The following GSTM2 variants were observed in gnomAD, a reference collection of about 807,000 sequenced individuals.
GSTM2 encodes glutathione S-transferase mu 2.
In GSTM2, 33 loss-of-function variants were observed where a neutral mutation model predicts 33.3. The observed-to-expected ratio is 0.99, with a 90% CI of 0.75 to 1.33. The LOEUF is 1.33. GSTM2 is among the 40% of genes most tolerant of loss of function. The probability of loss-of-function intolerance (pLI) is 0.00; values close to 1 mark genes in which losing one functional copy is unlikely to be tolerated. For synonymous variants in GSTM2, 93 were observed against 95.6 expected (o/e 0.97, Z 0.16); for missense variants, 213 against 265.8 (o/e 0.80, Z 1.38).
chr1:109,668,391 A>T (rs755715389), intron 1 of GSTM2, 34 bp from the exon 2 acceptor site: 1 of 1,608,814 alleles, frequency 6.2e-7, no homozygotes, highest in Admixed American at 1.7e-5. Flanking sequence ...GGGACCCTCC[A>T]TCTCTGACCC....
intron 7 of GSTM2, chr1:109,673,065 T>G: frequency 1.1e-6 from 1 of 935,270 alleles, no homozygotes; most frequent in South Asian, 1.4e-5. Flanking sequence ...AGATGGGGTT[T>G]TGCTATGTTG....
chr1:109,677,676 T>C (rs1252598867), downstream of GSTM2, among the ~76,000 whole-genome samples: 2 of 152,178 alleles, frequency 1.3e-5, no homozygotes, highest in Non-Finnish European at 2.9e-5. Context: ...TGAAGGGGCC[T>C]GGTGGAGTGC....
downstream of GSTM2, among the ~76,000 whole-genome samples, chr1:109,677,860 C>T (rs1242725393): frequency 6.6e-6 from 1 of 152,186 alleles, no homozygotes; most frequent in East Asian, 1.9e-4. Flanking sequence ...AAAGCATGCA[C>T]ATTATTTGTG....
chr1:109,669,440 G>T (rs1451197448), intron 4 of GSTM2, 31 bp from the exon 5 acceptor site: 14 of 1,613,500 alleles, frequency 8.7e-6, no homozygotes, highest in Non-Finnish European at 1.2e-5. Context: ...TGGGCTGTGA[G>T]GCTGAGAGTG....
chr1:109,674,490 T>C (rs1177923835), intron 7 of GSTM2, among the ~76,000 whole-genome samples: 1 of 152,216 alleles, frequency 6.6e-6, no homozygotes, highest in East Asian at 1.9e-4. Context: ...GTAATTTCTC[T>C]TGGGTACAGA....
rs1647541126 is a variant in GSTM2, at chr1:109,671,462, G to A, written c.457-11G>A. 3 of 1,595,048 alleles carry A rather than the reference G, an allele frequency of 1.9e-6. No homozygotes were observed. The highest frequency in any genetic ancestry group is 2.6e-6 in the Non-Finnish European group (3 of 1,162,618). The stretch of plus-strand genomic sequence containing the variant: ...GGAGGTTTCAGCCCACATATCCTTG[G>A]CCTTATCCAGATCACCTTTGTGGAT... On this transcript the variant is annotated splice_polypyrimidine_tract_variant and intron_variant, in intron 6 of 7. Coordinates refer to ENST00000241337, the MANE Select transcript of GSTM2 (RefSeq NM_000848.4).
At position 109,674,767 on chromosome 1, in the gene GSTM2, C is replaced by T; in HGVS notation, c.588C>T (p.Ala196=). ...SRFEGLEKIS[A]YMKSSRFLPR... Reference sequence around the variant, plus strand: ...CTCAGGGCTTGGAGAAGATCTCTGCCTACATGAAGTCCAGCCGCTTCCTCC... The same window carrying T: ...CTCAGGGCTTGGAGAAGATCTCTGCTTACATGAAGTCCAGCCGCTTCCTCC... The change falls in exon 8 of 8, where the codon GCC becomes GCT. Residue 196 remains alanine (A), a synonymous_variant. Coordinates refer to ENST00000241337, the MANE Select transcript of GSTM2 (RefSeq NM_000848.4). 1.2e-6 allele frequency: 2 copies of T among 1,614,226 alleles called. No homozygotes were observed. Among genetic ancestry groups the T allele is most frequent in the Non-Finnish European group, 1.7e-6 (2 of 1,180,046 alleles).
In GSTM2 at chr1:109,671,354, G is replaced by A. The variant is rs143184866; in HGVS notation, c.428G>A (p.Gly143Glu). ...CTGAAGCTCTACTCACAGTTTCTGG[G>A]GAAGCAGCCATGGTTTCTTGGGGAC... The part of the protein sequence containing the change: ...EMLKLYSQFL[G>E]KQPWFLGDKI... Residue 143 changes from glycine to glutamate, a missense_variant, in exon 6 of 8, where the codon GGG (glycine) becomes GAG (glutamate). Transcript: ENST00000241337. 3.7e-6 allele frequency: 6 copies of A among 1,613,892 alleles called. No individual in the cohort carries two copies. The African/African-American group carries it at 8.0e-5, about 22-fold the overall frequency.
chr1:109,672,214 AG>A (rs1647566264), intron 7 of GSTM2, among the ~76,000 whole-genome samples: 1 of 152,050 alleles, frequency 6.6e-6, no homozygotes, highest in African/African-American at 2.4e-5. Flanking sequence ...TGGGAGGCGG[AG>A]GTTGCGGTGA....
rs781615105 is a variant in GSTM2, at chr1:109,668,515, G to C, written c.112+15G>C. ...GATGGGGGACGGTAATGGCACCCTC[G>C]AGTCTGGGCCCTGCCCCCTCACACT... On this transcript the variant is annotated intron_variant, in intron 2 of 7. Transcript: ENST00000241337. 1.2e-6 allele frequency: 2 copies of C among 1,613,432 alleles called. No individual in the cohort carries two copies. The highest frequency in any genetic ancestry group is 2.2e-5 in the South Asian group (2 of 91,068).
intron 2 of GSTM2, 79 bp from the exon 3 acceptor site, chr1:109,668,846 C>A: frequency 6.4e-7 from 1 of 1,557,276 alleles, no homozygotes; most frequent in Non-Finnish European, 8.8e-7. Flanking sequence ...GGTCTTGCCA[C>A]TGGCTCCTTG....
At position 109,668,062 on chromosome 1, in the gene GSTM2, C is replaced by T. The variant is rs1647395605; in HGVS notation, c.-54C>T. 1.9e-6 allele frequency: 3 copies of T among 1,595,650 alleles called. No individual in the cohort carries two copies. Among genetic ancestry groups the T allele is most frequent in the Non-Finnish European group, 1.7e-6 (2 of 1,163,182 alleles). The stretch of plus-strand genomic sequence containing the variant: ...CTACCCTCTCTGGGCCTCTCACAAA[C>T]GCTGAGCCCCGCCCCGCTGAGGCCT... On this transcript the variant is annotated 5_prime_UTR_variant, in exon 1 of 8. The change creates a new upstream start codon in the 5' untranslated region. Coordinates refer to ENST00000241337, the MANE Select transcript of GSTM2 (RefSeq NM_000848.4).
At chr1:109,672,430 A>T (rs1647579098) in intron 7 of GSTM2, among the ~76,000 whole-genome samples, 1 of 152,210 alleles carries the variant, frequency 6.6e-6, no homozygotes, top group South Asian at 2.1e-4. Flanking sequence ...CATTTTAGAG[A>T]CAAAGAAACT....
In GSTM2 at chr1:109,674,477, G is replaced by A. The variant is rs544517575; in HGVS notation, c.568-270G>A. On this transcript the variant is annotated intron_variant, in intron 7 of 7. Transcript: ENST00000241337. ...AGTCGAGTGGGTTTTCTAAGCTTAC[G>A]TTGTAATTTCTCTTGGGTACAGAGC... is the stretch of plus-strand genomic sequence containing the variant. 5.3e-5 allele frequency among the ~76,000 whole-genome samples: 8 copies of A among 152,296 alleles called. No homozygotes were observed. In the South Asian group the frequency reaches 1.2e-3, roughly 24 times the overall value.
At chr1:109,670,166 A>ATTTTACAGAGTGCTGATTGGTCCG (rs1278327816) in intron 5 of GSTM2, 2 of 56,960 alleles carry the variant, frequency 3.5e-5, no homozygotes, top group South Asian at 5.4e-4. Flanking sequence ...TGATTGGTCC[A>ATTTTACAGAGTGCTGATTGGTCCG]TTTTACAGAG....
intron 1 of GSTM2, 97 bp downstream of exon 1, chr1:109,668,248 G>A: frequency 7.1e-7 from 1 of 1,414,686 alleles, no homozygotes; most frequent in Non-Finnish European, 9.9e-7. Context: ...TTCCTCTTCA[G>A]GGCTGTCCCT....
Position 109,668,060 on chromosome 1 carries a change from A to G in GSTM2, c.-56A>G. ...CTCTACCCTCTCTGGGCCTCTCACA[A>G]ACGCTGAGCCCCGCCCCGCTGAGGC... On this transcript the variant is annotated 5_prime_UTR_variant, in exon 1 of 8. Transcript: ENST00000241337. The G allele has an allele frequency of 2.5e-6, 4 of 1,595,794 alleles. No individual in the cohort carries two copies. Among genetic ancestry groups the G allele is most frequent in the Non-Finnish European group, 2.6e-6 (3 of 1,163,354 alleles).
chr1:109,671,721 G>A (rs929335341), intron 7 of GSTM2, 138 bp downstream of exon 7: 28 of 698,032 alleles, frequency 4.0e-5, no homozygotes, highest in Middle Eastern at 3.7e-4. Flanking sequence ...TAATCTCAGC[G>A]CTTTGGAGGC....
At chr1:109,679,393 C>T (rs908412039), downstream of GSTM2, among the ~76,000 whole-genome samples, 1 of 152,186 alleles carries the variant, frequency 6.6e-6, no homozygotes, top group African/African-American at 2.4e-5. Context: ...ATCACTTCAA[C>T]CTGGGAGGCA....
Sources: allele counts gnomAD v4.1 joint callset (sites outside exome capture counted in the v4.1 genomes callset), GRCh38; gene constraint gnomAD v4.1.1; transcripts MANE v1.5; gene names NCBI Gene and HGNC (gene_info 2026-07-23, HGNC 2026-07-21).